Variants in NOX4 observed in about 807,000 individuals in gnomAD.
The protein encoded by NOX4 is NADPH oxidase 4, also known as kidney oxidase-1.
NOX4 carries 69 observed loss-of-function variants against 87.6 expected under a neutral mutation model. That is an observed-to-expected ratio of 0.79 (90% CI 0.65 to 0.96). The LOEUF (loss-of-function observed/expected upper bound fraction) is 0.96, where lower values mean the gene tolerates loss of function less well. Ranked by LOEUF, NOX4 falls within the 40% of genes least tolerant of loss-of-function variation. NOX4 has a pLI of 0.00. For synonymous variants in NOX4, 275 were observed against 238.2 expected (o/e 1.15, Z -1.42); for missense variants, 680 against 681.5 (o/e 1.00, Z 0.02).
At chr11:89,477,849 G>A (rs923336119) in intron 2 of NOX4, among the ~76,000 whole-genome samples, 14 of 152,162 alleles carry the variant, frequency 9.2e-5, no homozygotes, top group African/African-American at 2.4e-4. Flanking sequence ...AATTAACTGT[G>A]AGCTTAAATA....
chr11:89,529,667 C>T, the NOX4 span, among the ~76,000 whole-genome samples: 1 of 152,092 alleles, frequency 6.6e-6, no homozygotes, highest in African/African-American at 2.4e-5. Flanking sequence ...AAATATCAAC[C>T]AACAATCACT....
intron 11 of NOX4, among the ~76,000 whole-genome samples, chr11:89,396,905 A>T (rs1941531723): frequency 6.6e-6 from 1 of 152,108 alleles, no homozygotes; most frequent in African/African-American, 2.4e-5. Context: ...TATTAGACAG[A>T]TCAATGAGAC....
the NOX4 span, among the ~76,000 whole-genome samples, chr11:89,567,101 G>A: frequency 6.6e-6 from 1 of 152,130 alleles, no homozygotes. Context: ...ACAGAGCAGA[G>A]CTATCTGGTC....
At chr11:89,491,165 A>G (rs201148552) in intron 1 of NOX4, 25 bp downstream of exon 1, 76 of 1,610,486 alleles carry the variant, frequency 4.7e-5, no homozygotes, top group Middle Eastern at 1.6e-4. Context: ...AGAGAACGCA[A>G]GGAGAGCCTA....
At chr11:89,448,296 A>G (rs1664711976) in intron 4 of NOX4, among the ~76,000 whole-genome samples, 1 of 152,182 alleles carries the variant, frequency 6.6e-6, no homozygotes, top group South Asian at 2.1e-4. Context: ...AACTGAGGAT[A>G]GAACCTACGC....
the NOX4 span, among the ~76,000 whole-genome samples, chr11:89,560,961 CGTCTCT>C: frequency 1.7e-3 from 89 of 52,520 alleles, 9 homozygotes; most frequent in South Asian, 3.6e-3. Flanking sequence ...CATCTCATCT[CGTCTCT>C]CTCTCTCTCT....
rs1190122106 is a variant in NOX4, at chr11:89,470,964, G to T, written c.154-19069C>A. ...GCATTGTACCTGTTCCAACCCCCAG[G>T]ATAACTACCAGATGGACTCTTTATT... On this transcript the variant is annotated intron_variant, in intron 2 of 17. Coordinates refer to ENST00000263317, the MANE Select transcript of NOX4 (RefSeq NM_016931.5). Among the ~76,000 whole-genome samples the T allele has an allele frequency of 5.3e-5, 8 of 152,134 alleles. No homozygotes were observed. The East Asian group carries it at 1.5e-3, about 29-fold the overall frequency.
At chr11:89,331,919 T>A (rs1332036567) in intron 17 of NOX4, among the ~76,000 whole-genome samples, 3 of 151,794 alleles carry the variant, frequency 2.0e-5, no homozygotes, top group African/African-American at 7.3e-5. Flanking sequence ...TTTTTTTTTT[T>A]TCTTTTTCGA....
intron 9 of NOX4, among the ~76,000 whole-genome samples, chr11:89,401,808 G>A (rs528798590): frequency 1.2e-4 from 18 of 152,160 alleles, no homozygotes; most frequent in African/African-American, 3.6e-4. Flanking sequence ...TAGTCATTGC[G>A]AATATTGCAA....
At chr11:89,562,653 T>A in the NOX4 span, among the ~76,000 whole-genome samples, 1 of 152,214 alleles carries the variant, frequency 6.6e-6, no homozygotes, top group Non-Finnish European at 1.5e-5. Flanking sequence ...TTGTCATCTG[T>A]CAAGACCTAG....
At position 89,400,005 on chromosome 11, in the gene NOX4, T is replaced by G. The variant is rs574186799; in HGVS notation, c.1074+12A>C. Reference sequence around the variant, plus strand: ...CCTACAAATGTGAAAAAGCAAGAGATATGTTTCTTACCATTGTGAGGGTAA... The same window carrying G: ...CCTACAAATGTGAAAAAGCAAGAGAGATGTTTCTTACCATTGTGAGGGTAA... On this transcript the variant is annotated intron_variant, in intron 11 of 17. Coordinates refer to ENST00000263317, the MANE Select transcript of NOX4 (RefSeq NM_016931.5). 1.2e-5 allele frequency: 19 copies of G among 1,596,806 alleles called. No homozygotes were observed. The South Asian group carries it at 1.8e-4, about 15-fold the overall frequency.
intron 2 of NOX4, among the ~76,000 whole-genome samples, chr11:89,466,439 G>A (rs1945696787): frequency 6.6e-6 from 1 of 152,106 alleles, no homozygotes; most frequent in African/African-American, 2.4e-5. Flanking sequence ...TTTGTGAAAA[G>A]TAAACACAGT....
intron 3 of NOX4, 40 bp downstream of exon 3, chr11:89,451,745 T>C (rs1944970969): frequency 7.2e-7 from 1 of 1,380,336 alleles, no homozygotes; most frequent in Non-Finnish European, 1.0e-6. Flanking sequence ...TACACTTGAT[T>C]TTTATGCTGG....
intron 13 of NOX4, among the ~76,000 whole-genome samples, chr11:89,351,550 C>T (rs1946456303): frequency 6.6e-6 from 1 of 152,174 alleles, no homozygotes; most frequent in East Asian, 1.9e-4. Flanking sequence ...TTCAAAGCTT[C>T]AAAGGATAGA....
intron 6 of NOX4, among the ~76,000 whole-genome samples, chr11:89,439,895 T>C (rs755388166): frequency 2.0e-5 from 3 of 152,204 alleles, no homozygotes; most frequent in Non-Finnish European, 4.4e-5. Context: ...CTTATTTTAA[T>C]GACTGTTTCT....
chr11:89,522,421 C>T, the NOX4 span, among the ~76,000 whole-genome samples: 5 of 152,154 alleles, frequency 3.3e-5, no homozygotes, highest in East Asian at 9.6e-4. Flanking sequence ...AACCAAATAC[C>T]ACATGTTCTT....
chr11:89,340,716 G>C (rs2135383182), intron 14 of NOX4, among the ~76,000 whole-genome samples: 1 of 152,210 alleles, frequency 6.6e-6, no homozygotes, highest in Middle Eastern at 3.4e-3. Flanking sequence ...ATGCATTCCA[G>C]CAACTCATAA....
the NOX4 span, among the ~76,000 whole-genome samples, chr11:89,509,941 G>C: frequency 6.6e-6 from 1 of 152,020 alleles, no homozygotes. Flanking sequence ...ACAAAGAAAT[G>C]ACCGGGTAAT....
intron 8 of NOX4, among the ~76,000 whole-genome samples, chr11:89,413,356 A>G (rs1942585785): frequency 6.6e-6 from 1 of 152,174 alleles, no homozygotes; most frequent in Non-Finnish European, 1.5e-5. Context: ...AGAAATCAGT[A>G]TATTGAAGAG....
Sources: allele counts gnomAD v4.1 joint callset (sites outside exome capture counted in the v4.1 genomes callset), GRCh38; gene constraint gnomAD v4.1.1; transcripts MANE v1.5; gene names NCBI Gene and HGNC (gene_info 2026-07-23, HGNC 2026-07-21).